TCF4: variants seen among roughly 807,000 people sequenced by gnomAD.
The protein encoded by TCF4 is transcription factor 4.
A neutral mutation model predicts 82.1 loss-of-function variants in TCF4; 3 were observed. That is an observed-to-expected ratio of 0.04 (90% CI 0.02 to 0.09). The LOEUF (loss-of-function observed/expected upper bound fraction) is 0.09, where lower values mean the gene tolerates loss of function less well. TCF4 is among the 10% of genes least tolerant of loss of function. The probability of loss-of-function intolerance (pLI) is 1.00; values close to 1 mark genes in which losing one functional copy is unlikely to be tolerated. For synonymous variants in TCF4, 276 were observed against 309.6 expected, an observed-to-expected ratio of 0.89 and a Z score of 1.14; for missense variants, 518 against 852.7, an observed-to-expected ratio of 0.61 and a Z score of 4.89.
At chr18:55,435,198 T>C (rs1184066690) in intron 5 of TCF4, among the ~76,000 whole-genome samples, 1 of 152,238 alleles carries the variant, frequency 6.6e-6, no homozygotes, top group Non-Finnish European at 1.5e-5. Context: ...CAATGCCTGA[T>C]GCAATGTGAG....
intron 10 of TCF4, among the ~76,000 whole-genome samples, chr18:55,274,494 T>C (rs1001160597): frequency 5.9e-5 from 9 of 152,186 alleles, no homozygotes; most frequent in Admixed American, 4.6e-4. Context: ...TTTTTGATTA[T>C]TGGAGTAGGA....
intron 15 of TCF4, among the ~76,000 whole-genome samples, chr18:55,239,766 G>A (rs969787420): frequency 6.6e-6 from 1 of 152,178 alleles, no homozygotes; most frequent in African/African-American, 2.4e-5. Context: ...GTTTTTATAT[G>A]GAGATGCATT....
chr18:55,400,891 A>G (rs1281429790), intron 6 of TCF4: 14 of 1,138,364 alleles, frequency 1.2e-5, no homozygotes, highest in Non-Finnish European at 1.4e-5. Context: ...AATACGATAA[A>G]GCAGCTTTTG....
chr18:55,470,612 TAAAC>T (rs1288456632), intron 3 of TCF4, among the ~76,000 whole-genome samples: 4 of 152,258 alleles, frequency 2.6e-5, no homozygotes, highest in Non-Finnish European at 4.4e-5. Context: ...TGATTTGAAA[TAAAC>T]AAGTATGAAA....
chr18:55,417,469 G>T (rs2094563854), intron 5 of TCF4, among the ~76,000 whole-genome samples: 1 of 152,140 alleles, frequency 6.6e-6, no homozygotes, highest in Non-Finnish European at 1.5e-5. Context: ...TCAATATTAA[G>T]TCTAAAAAAT....
chr18:55,260,775 G>A (rs2057893011), intron 12 of TCF4, among the ~76,000 whole-genome samples: 1 of 152,126 alleles, frequency 6.6e-6, no homozygotes, highest in African/African-American at 2.4e-5. Flanking sequence ...GGCCAGGCTA[G>A]TCTTGAACTC....
chr18:55,440,865 C>A (rs2095426328), intron 5 of TCF4, among the ~76,000 whole-genome samples: 1 of 152,150 alleles, frequency 6.6e-6, no homozygotes, highest in Admixed American at 6.5e-5. Context: ...CACAGCATAA[C>A]TTTGGGGTGT....
intron 15 of TCF4, among the ~76,000 whole-genome samples, chr18:55,243,899 G>A (rs1363694316): frequency 6.6e-6 from 1 of 152,064 alleles, no homozygotes; most frequent in Non-Finnish European, 1.5e-5. Flanking sequence ...CTATTTAATG[G>A]AGAAAGACTT....
chr18:55,450,431 A>T (rs1056774905), intron 5 of TCF4, among the ~76,000 whole-genome samples: 1 of 152,238 alleles, frequency 6.6e-6, no homozygotes. Flanking sequence ...AATAAATTTA[A>T]TTTAATCTCA....
At chr18:55,432,592 C>T (rs1048257582) in intron 5 of TCF4, among the ~76,000 whole-genome samples, 1 of 152,114 alleles carries the variant, frequency 6.6e-6, no homozygotes, top group African/African-American at 2.4e-5. Flanking sequence ...CAGGGTCTCC[C>T]AAAAAGTAAA....
intron 3 of TCF4, among the ~76,000 whole-genome samples, chr18:55,575,669 T>C (rs774894912): frequency 6.6e-5 from 10 of 152,138 alleles, no homozygotes; most frequent in Non-Finnish European, 5.9e-5. Flanking sequence ...GGCTTCACTA[T>C]GGAAATTGGA....
At chr18:55,341,843 A>T (rs1331350354) in intron 8 of TCF4, among the ~76,000 whole-genome samples, 1 of 152,176 alleles carries the variant, frequency 6.6e-6, no homozygotes, top group African/African-American at 2.4e-5. Context: ...CAAATGCATG[A>T]CTTTCTCAAA....
Position 55,293,423 on chromosome 18 carries a change from C to T in TCF4, c.550-13767G>A, listed in dbSNP as rs117039761. On this transcript the variant is annotated intron_variant, in intron 8 of 19. Coordinates refer to ENST00000354452, the MANE Select transcript of TCF4 (RefSeq NM_001083962.2). ...TCTCTTTGTTAGCAAACTCAATGTT[C>T]TTCATTCCACCAAGAAAATCAACCT... Among the ~76,000 whole-genome samples the T allele has an allele frequency of 6.1e-3, 923 of 152,194 alleles. 2 individuals carry two copies. Among genetic ancestry groups the T allele is most frequent in the Non-Finnish European group, 9.1e-3 (620 of 68,002 alleles).
intron 3 of TCF4, among the ~76,000 whole-genome samples, chr18:55,509,163 T>C (rs185706083): frequency 6.6e-6 from 1 of 152,324 alleles, no homozygotes; most frequent in East Asian, 1.9e-4. Flanking sequence ...TATTGTCCAC[T>C]GTTATCCCCA....
chr18:55,282,107 T>C (rs1158766043), intron 8 of TCF4, among the ~76,000 whole-genome samples: 3 of 152,024 alleles, frequency 2.0e-5, no homozygotes, highest in Admixed American at 2.0e-4. Flanking sequence ...ATGTTATTCA[T>C]CTTCCATTTA....
At chr18:55,372,835 C>G (rs1440476) in intron 6 of TCF4, among the ~76,000 whole-genome samples, 76,876 of 151,936 alleles carry the variant, frequency 0.51, 21,670 homozygotes, top group African/African-American at 0.78. Context: ...AATGTGCTAA[C>G]ACTCTCCGTC....
At chr18:55,232,399 G>T (rs938393759) in intron 17 of TCF4, 110 bp downstream of exon 17, 24 of 1,256,746 alleles carry the variant, frequency 1.9e-5, no homozygotes, top group Non-Finnish European at 2.6e-5. Context: ...TTTCTTTTCA[G>T]CTGTAAATTT....
chr18:55,279,859 G>A (rs986314151), intron 8 of TCF4, among the ~76,000 whole-genome samples: 7 of 152,106 alleles, frequency 4.6e-5, no homozygotes, highest in African/African-American at 1.2e-4. Context: ...GTATTTGTGC[G>A]AACAGAAAAT....
intron 8 of TCF4, among the ~76,000 whole-genome samples, chr18:55,298,643 G>A (rs773497384): frequency 1.3e-5 from 2 of 152,194 alleles, no homozygotes; most frequent in Non-Finnish European, 2.9e-5. Flanking sequence ...GTACATATGT[G>A]TGCATTAAAT....
Sources: gnomAD v4.1 joint callset for allele counts (sites outside exome capture counted in the v4.1 genomes callset) on GRCh38, gnomAD v4.1.1 for gene constraint, MANE v1.5 for transcripts, NCBI Gene and HGNC (gene_info 2026-07-23, HGNC 2026-07-21) for gene names.